STK39: variants seen among roughly 807,000 people sequenced by gnomAD.
STK39 encodes serine/threonine kinase 39.
A neutral mutation model predicts 77.8 loss-of-function variants in STK39; 20 were observed. The observed-to-expected ratio is 0.26, with a 90% CI of 0.18 to 0.37. STK39 has a LOEUF of 0.37. Among genes scored for constraint, STK39 ranks in the 10% least tolerant of loss-of-function variants. The pLI is 1.00. For missense variants in STK39, 479 were observed against 656.5 expected, an observed-to-expected ratio of 0.73 and a Z score of 2.95; for synonymous variants, 246 against 234.1, an observed-to-expected ratio of 1.05 and a Z score of -0.47.
intron 2 of STK39, among the ~76,000 whole-genome samples, chr2:168,169,520 T>C (rs1302523597): frequency 2.0e-5 from 3 of 152,192 alleles, no homozygotes; most frequent in Non-Finnish European, 4.4e-5. Context: ...TTCTTTTACA[T>C]TGAAGGCAAG....
chr2:168,201,215 G>A (rs1397971457), intron 1 of STK39, among the ~76,000 whole-genome samples: 1 of 152,108 alleles, frequency 6.6e-6, no homozygotes, highest in Non-Finnish European at 1.5e-5. Flanking sequence ...GTATATGATG[G>A]GACATTCCTT....
rs145122710 is a variant in STK39, at chr2:168,120,973, T to C, written c.1089+8568A>G. Among the ~76,000 whole-genome samples the C allele has an allele frequency of 7.8e-5, 10 of 128,364 alleles. No homozygotes were observed. In the East Asian group the frequency reaches 2.4e-3, roughly 31 times the overall value. The allele number at this position is 128,364 out of a possible 152,430, so 84.2% of individuals were successfully genotyped here. ...TGCCTGCAGCATCTCCTAGTGCCTG[T>C]AGCATCTCCTAGTGCCTGTGAATAG... On this transcript the variant is annotated intron_variant, in intron 10 of 17. Coordinates refer to ENST00000355999, the MANE Select transcript of STK39 (RefSeq NM_013233.3).
chr2:168,183,370 G>A (rs1293804350), intron 1 of STK39, among the ~76,000 whole-genome samples: 1 of 152,072 alleles, frequency 6.6e-6, no homozygotes, highest in Non-Finnish European at 1.5e-5. Context: ...GTAGACACTT[G>A]ACTCCTTATG....
intron 1 of STK39, among the ~76,000 whole-genome samples, chr2:168,191,543 T>C (rs939643686): frequency 2.0e-4 from 31 of 152,194 alleles, no homozygotes; most frequent in African/African-American, 7.5e-4. Flanking sequence ...GATGTCTGTT[T>C]AAAAAGCAGA....
chr2:167,959,585 C>T (rs995668508), intron 17 of STK39, among the ~76,000 whole-genome samples: 2 of 152,076 alleles, frequency 1.3e-5, no homozygotes, highest in Non-Finnish European at 2.9e-5. Flanking sequence ...AAGCTCAAAC[C>T]AAACAATCTC....
intron 16 of STK39, 142 bp downstream of exon 16, chr2:168,012,492 A>G (rs1684295210): frequency 1.4e-6 from 1 of 697,960 alleles, no homozygotes; most frequent in African/African-American, 1.8e-5. Context: ...TCTTAAATAT[A>G]CTTCTACATA....
chr2:168,127,537 TG>T (rs574749448), intron 10 of STK39, among the ~76,000 whole-genome samples: 9 of 152,292 alleles, frequency 5.9e-5, no homozygotes, highest in African/African-American at 1.9e-4. Flanking sequence ...AAGGAAAGTA[TG>T]GGTTACACAG....
At chr2:168,208,109 T>C (rs970168680) in intron 1 of STK39, among the ~76,000 whole-genome samples, 3 of 152,206 alleles carry the variant, frequency 2.0e-5, no homozygotes, top group African/African-American at 7.2e-5. Flanking sequence ...GGTCATGTAA[T>C]GAACACTCCT....
intron 14 of STK39, among the ~76,000 whole-genome samples, chr2:168,019,182 T>C (rs770816691): frequency 1.3e-5 from 2 of 152,156 alleles, no homozygotes; most frequent in Non-Finnish European, 2.9e-5. Context: ...ACTGTGAAAA[T>C]TGTGGATCCT....
intron 2 of STK39, among the ~76,000 whole-genome samples, chr2:168,178,419 C>T (rs573976745): frequency 6.6e-6 from 1 of 152,160 alleles, no homozygotes; most frequent in East Asian, 1.9e-4. Context: ...TCATATCATA[C>T]CAAGAAAAAC....
chr2:168,124,779 T>C (rs778700208), intron 10 of STK39, among the ~76,000 whole-genome samples: 1 of 152,158 alleles, frequency 6.6e-6, no homozygotes, highest in Non-Finnish European at 1.5e-5. Flanking sequence ...ATCACTAACA[T>C]AAAACTTAGA....
chr2:168,102,222 A>T (rs1686848104), intron 10 of STK39, among the ~76,000 whole-genome samples: 2 of 152,032 alleles, frequency 1.3e-5, no homozygotes, highest in Admixed American at 1.3e-4. Flanking sequence ...CCTTCTGAGG[A>T]AATGCCAGAC....
At chr2:168,097,021 G>T (rs570697309) in intron 10 of STK39, among the ~76,000 whole-genome samples, 1 of 152,176 alleles carries the variant, frequency 6.6e-6, no homozygotes, top group East Asian at 1.9e-4. Flanking sequence ...ACTACTATGG[G>T]TCCTTGTCCT....
At chr2:167,981,952 G>A (rs931321307) in intron 16 of STK39, among the ~76,000 whole-genome samples, 1 of 152,132 alleles carries the variant, frequency 6.6e-6, no homozygotes, top group East Asian at 1.9e-4. Context: ...TAGTTAGGGT[G>A]GTGGTGGGAG....
At chr2:167,988,711 T>C (rs1171323039) in intron 16 of STK39, among the ~76,000 whole-genome samples, 1 of 152,236 alleles carries the variant, frequency 6.6e-6, no homozygotes, top group Non-Finnish European at 1.5e-5. Flanking sequence ...TTAGTTTACA[T>C]TAAATGTTCA....
At chr2:168,239,233 T>C (rs1256786175) in intron 1 of STK39, among the ~76,000 whole-genome samples, 1 of 152,118 alleles carries the variant, frequency 6.6e-6, no homozygotes, top group African/African-American at 2.4e-5. Flanking sequence ...GTGTTATATA[T>C]AAATACATGA....
intron 1 of STK39, among the ~76,000 whole-genome samples, chr2:168,244,328 C>T (rs1447282675): frequency 6.6e-6 from 1 of 152,198 alleles, no homozygotes. Flanking sequence ...TCTCTTAATC[C>T]TGGGGGACCA....
chr2:168,191,385 G>C (rs377312120), intron 1 of STK39, among the ~76,000 whole-genome samples: 1 of 151,888 alleles, frequency 6.6e-6, no homozygotes, highest in Non-Finnish European at 1.5e-5. Flanking sequence ...CACAGCCCAC[G>C]CCCTATTAAA....
At chr2:168,204,916 C>T (rs1415683954) in intron 1 of STK39, among the ~76,000 whole-genome samples, 4 of 152,164 alleles carry the variant, frequency 2.6e-5, no homozygotes, top group African/African-American at 7.2e-5. Flanking sequence ...TCAGAGAATA[C>T]GAATTCCTTT....
Sources: allele counts gnomAD v4.1 joint callset (sites outside exome capture counted in the v4.1 genomes callset), GRCh38; gene constraint gnomAD v4.1.1; transcripts MANE v1.5; gene names NCBI Gene and HGNC (gene_info 2026-07-23, HGNC 2026-07-21).